MARK3: variants seen among roughly 807,000 people sequenced by gnomAD.
The protein encoded by MARK3 is microtubule affinity regulating kinase 3, also known as MAP/microtubule affinity-regulating kinase 3.
Under a neutral mutation model 90.1 loss-of-function variants are expected in MARK3, and 46 were observed. That is an observed-to-expected ratio of 0.51 (90% CI 0.40 to 0.65). The LOEUF (loss-of-function observed/expected upper bound fraction) is 0.65. Among genes scored for constraint, MARK3 ranks in the 30% least tolerant of loss-of-function variants. The probability of loss-of-function intolerance (pLI) is 0.00; values close to 1 mark genes in which losing one functional copy is unlikely to be tolerated. For missense variants in MARK3, 818 were observed against 947.2 expected, an observed-to-expected ratio of 0.86 and a Z score of 1.79; for synonymous variants, 321 against 332.6, an observed-to-expected ratio of 0.97 and a Z score of 0.38.
rs1429348401 is a variant in MARK3 at position 103,386,322 on chromosome 14, C to CAGG, written c.51+245_51+247dup. The CAGG allele has an allele frequency of 8.6e-6, 6 of 696,666 alleles. No homozygotes were observed. The African/African-American group carries it at 8.8e-5, about 10-fold the overall frequency. 43.2% of individuals were successfully genotyped at this position (696,666 alleles called of 1,614,324 possible). ...GGCAGTCTAGTCGGTTAATAAAGCCCAGGAGTTGCAGCGTTACGGATCGGT... is the reference window on the plus strand; with the variant it reads ...GGCAGTCTAGTCGGTTAATAAAGCCCAGGAGGAGTTGCAGCGTTACGGATCGGT... On this transcript the variant is annotated intron_variant, in intron 1 of 17. Coordinates refer to ENST00000429436, the MANE Select transcript of MARK3 (RefSeq NM_001128918.3).
intron 3 of MARK3, among the ~76,000 whole-genome samples, chr14:103,432,981 G>A (rs890242416): frequency 5.3e-5 from 8 of 152,026 alleles, no homozygotes; most frequent in African/African-American, 1.4e-4. Context: ...AAAAGTAACC[G>A]ATTAGTTAAT....
intron 2 of MARK3, among the ~76,000 whole-genome samples, chr14:103,416,998 G>A (rs780697306): frequency 3.3e-5 from 5 of 152,180 alleles, no homozygotes; most frequent in Admixed American, 6.5e-5. Flanking sequence ...AGAGTGAATG[G>A]ACTAGAGAAA....
chr14:103,394,519 G>GGTT (rs2090459623), intron 1 of MARK3, among the ~76,000 whole-genome samples: 1 of 152,138 alleles, frequency 6.6e-6, no homozygotes, highest in South Asian at 2.1e-4. Flanking sequence ...GCTCAACTAT[G>GGTT]GTTGGTCTTG....
intron 15 of MARK3, among the ~76,000 whole-genome samples, chr14:103,495,941 T>TCTCCA (rs994700560): frequency 1.3e-5 from 2 of 152,236 alleles, no homozygotes; most frequent in Non-Finnish European, 2.9e-5. Flanking sequence ...AGACCTGGTG[T>TCTCCA]GGCCAGGTCT....
intron 3 of MARK3, among the ~76,000 whole-genome samples, chr14:103,446,710 CTTTTTTTTTTTTT>C (rs746523547): frequency 7.1e-5 from 7 of 98,036 alleles, no homozygotes; most frequent in Non-Finnish European, 9.0e-5. Flanking sequence ...AGATTGTTGT[CTTTTTTTTTTTTT>C]TTTTTTTTTT....
chr14:103,396,131 T>G (rs2090563374), intron 1 of MARK3, among the ~76,000 whole-genome samples: 1 of 148,020 alleles, frequency 6.8e-6, no homozygotes, highest in African/African-American at 2.5e-5. Flanking sequence ...TTGCCCTTTC[T>G]AAAGAACCTC....
chr14:103,428,082 T>C (rs577807280), intron 2 of MARK3, among the ~76,000 whole-genome samples: 64 of 152,298 alleles, frequency 4.2e-4, no homozygotes, highest in African/African-American at 1.4e-3. Flanking sequence ...CCTTAAGAAT[T>C]GTAGCGGGAC....
At chr14:103,392,537 G>GA (rs922002718) in intron 1 of MARK3, among the ~76,000 whole-genome samples, 10 of 150,866 alleles carry the variant, frequency 6.6e-5, no homozygotes, top group South Asian at 2.1e-4. Context: ...TATTTATTAA[G>GA]AAAAAAAAAT....
At chr14:103,474,221 G>A (rs549590274) in intron 12 of MARK3, among the ~76,000 whole-genome samples, 30 of 152,128 alleles carry the variant, frequency 2.0e-4, no homozygotes, top group Admixed American at 9.8e-4. Flanking sequence ...GAAAAAACAA[G>A]CATTTGACTC....
In MARK3 at chr14:103,503,101, G is replaced by A; in HGVS notation, c.2136G>A (p.Gln712=). The A allele has an allele frequency of 6.2e-7, 1 of 1,614,250 alleles. No individual in the cohort carries two copies. The highest frequency in any genetic ancestry group is 1.3e-5 in the African/African-American group (1 of 75,064). ...HGDGHAENLV[Q]WEMEVCKLPR... ...ATGGGCACGCGGAGAACCTCGTGCA[G>A]TGGGAAATGGAAGTGTGCAAGCTGC... Residue 712 remains glutamine, a synonymous_variant, in exon 18 of 18, where the codon CAG becomes CAA. Coordinates refer to ENST00000429436, the MANE Select transcript of MARK3 (RefSeq NM_001128918.3).
chr14:103,450,965 C>G (rs1265399197), intron 4 of MARK3, among the ~76,000 whole-genome samples: 5 of 109,560 alleles, frequency 4.6e-5, no homozygotes, highest in Admixed American at 1.4e-4. Context: ...GGGTCTAGCT[C>G]TGTTGTCCAG....
chr14:103,490,908 T>C (rs1285404471), intron 14 of MARK3: 1 of 1,228,126 alleles, frequency 8.1e-7, no homozygotes, highest in African/African-American at 1.5e-5. Flanking sequence ...CACTGCTCCT[T>C]CATACTGTGT....
intron 10 of MARK3, 57 bp from the exon 11 acceptor site, chr14:103,467,022 A>G (rs1273992483): frequency 1.2e-5 from 10 of 813,706 alleles, no homozygotes; most frequent in Middle Eastern, 2.6e-4. Context: ...AAAAAAAAAA[A>G]AAGGATGATT....
chr14:103,406,076 G>A (rs919723745), intron 2 of MARK3, among the ~76,000 whole-genome samples: 2 of 151,730 alleles, frequency 1.3e-5, no homozygotes, highest in Admixed American at 6.6e-5. Flanking sequence ...AAATTTTTTT[G>A]TAGAGACAGG....
intron 6 of MARK3, among the ~76,000 whole-genome samples, chr14:103,458,949 A>G (rs545104073): frequency 6.6e-6 from 1 of 152,188 alleles, no homozygotes; most frequent in Admixed American, 6.5e-5. Flanking sequence ...TTTTAAAGCT[A>G]TAAAAAAAAA....
intron 2 of MARK3, among the ~76,000 whole-genome samples, chr14:103,407,934 T>C (rs1301793136): frequency 6.6e-6 from 1 of 152,150 alleles, no homozygotes; most frequent in African/African-American, 2.4e-5. Flanking sequence ...CTCTTCTGTT[T>C]AGGGAACATT....
intron 2 of MARK3, among the ~76,000 whole-genome samples, chr14:103,425,253 T>A (rs76127066): frequency 3.5e-4 from 24 of 68,108 alleles, no homozygotes; most frequent in African/African-American, 1.4e-3. Context: ...TTATTTATTA[T>A]TTATTTATTT....
At chr14:103,410,801 T>C (rs1486569308) in intron 2 of MARK3, among the ~76,000 whole-genome samples, 4 of 152,238 alleles carry the variant, frequency 2.6e-5, no homozygotes, top group African/African-American at 7.2e-5. Flanking sequence ...GTCATCTGTC[T>C]GATGTGTCTG....
chr14:103,470,453 C>CAATTTTTTTTTTTTT lies in MARK3; in HGVS notation c.1264+2267_1264+2268insAATTTTTTTTTTTTT, dbSNP rs1299534465. Among the ~76,000 whole-genome samples, 15 of 24,214 alleles carry CAATTTTTTTTTTTTT rather than the reference C, an allele frequency of 6.2e-4. 1 individual carries two copies. The highest frequency in any genetic ancestry group is 6.6e-4 in the Non-Finnish European group (8 of 12,044). 15.9% of individuals were successfully genotyped at this position (24,214 alleles called of 152,430 possible). A position where few individuals can be genotyped will look rare whatever the true frequency, so the allele number is the denominator to read the frequency against. ...CTATTCCAGGATTCAGGAACTAAAT[C>CAATTTTTTTTTTTTT]TATTTTTTTTTTTTTTTTTGAGATG... is the stretch of plus-strand genomic sequence containing the variant. On this transcript the variant is annotated intron_variant, in intron 12 of 17. Coordinates refer to ENST00000429436, the MANE Select transcript of MARK3 (RefSeq NM_001128918.3).
Sources: gnomAD v4.1 joint callset for allele counts (sites outside exome capture counted in the v4.1 genomes callset) on GRCh38, gnomAD v4.1.1 for gene constraint, MANE v1.5 for transcripts, NCBI Gene and HGNC (gene_info 2026-07-23, HGNC 2026-07-21) for gene names.